The following TOX variants were observed in gnomAD, a reference collection of about 807,000 sequenced individuals.
The protein encoded by TOX is thymocyte selection associated high mobility group box.
A neutral mutation model predicts 53.7 loss-of-function variants in TOX; 11 were observed. That is an observed-to-expected ratio of 0.20 (90% confidence interval 0.13 to 0.34). The LOEUF is 0.34. Ranked by LOEUF, TOX falls within the 10% of genes least tolerant of loss-of-function variation. The pLI, the probability that TOX is intolerant of heterozygous loss-of-function variation, is 1.00. For synonymous variants in TOX, 225 were observed against 245.3 expected, an observed-to-expected ratio of 0.92 and a Z score of 0.77; for missense variants, 570 against 664.6, an observed-to-expected ratio of 0.86 and a Z score of 1.56.
intron 2 of TOX, among the ~76,000 whole-genome samples, chr8:58,940,287 C>A (rs1334652117): frequency 8.6e-5 from 13 of 150,702 alleles, no homozygotes; most frequent in Admixed American, 6.0e-4. Context: ...TATTATAATA[C>A]TAATTCTGGA....
intron 1 of TOX, among the ~76,000 whole-genome samples, chr8:59,061,093 CAA>C (rs1239291071): frequency 1.3e-5 from 2 of 151,950 alleles, no homozygotes; most frequent in Admixed American, 1.3e-4. Context: ...AGGAGATTAC[CAA>C]GAGATTGTAC....
At chr8:58,919,047 A>G (rs1401424850) in intron 3 of TOX, among the ~76,000 whole-genome samples, 3 of 145,558 alleles carry the variant, frequency 2.1e-5, no homozygotes, top group African/African-American at 7.7e-5. Context: ...TGCTCAAGGA[A>G]ATAAAAGAGG....
rs755726430 is a variant in TOX at position 58,832,798 on chromosome 8, T to C, written c.924+5283A>G. On this transcript the variant is annotated intron_variant, in intron 5 of 8. Coordinates refer to ENST00000361421, the MANE Select transcript of TOX (RefSeq NM_014729.3). ...CAGATCTGCCCTTATATAAACACAT[T>C]AACAGTAATTTCACGAGGCGTCAAA... 5.9e-4 allele frequency among the ~76,000 whole-genome samples: 89 copies of C among 152,108 alleles called. 1 individual carries two copies. Among genetic ancestry groups the C allele is most frequent in the Non-Finnish European group, 2.2e-4 (15 of 68,026 alleles).
intron 3 of TOX, among the ~76,000 whole-genome samples, chr8:58,860,099 A>T (rs918187942): frequency 6.6e-6 from 1 of 152,110 alleles, no homozygotes; most frequent in African/African-American, 2.4e-5. Flanking sequence ...ATTTTACGCC[A>T]TTTTATTCGA....
intron 1 of TOX, among the ~76,000 whole-genome samples, chr8:59,103,353 C>T (rs1563447446): frequency 6.6e-6 from 1 of 152,042 alleles, no homozygotes. Context: ...ATAATAAGGA[C>T]AAAAGAGTAT....
intron 1 of TOX, among the ~76,000 whole-genome samples, chr8:59,010,287 C>A (rs1396984480): frequency 6.6e-6 from 1 of 152,060 alleles, no homozygotes; most frequent in African/African-American, 2.4e-5. Context: ...TTATAAGTTA[C>A]CTAACAAGTA....
intron 3 of TOX, among the ~76,000 whole-genome samples, chr8:58,878,334 A>G (rs1294744942): frequency 6.6e-6 from 1 of 152,232 alleles, no homozygotes; most frequent in Non-Finnish European, 1.5e-5. Context: ...ATGCTTCTAT[A>G]GCATACTTTT....
intron 1 of TOX, among the ~76,000 whole-genome samples, chr8:58,970,188 A>G (rs967065839): frequency 5.9e-5 from 9 of 152,190 alleles, no homozygotes; most frequent in African/African-American, 2.2e-4. Flanking sequence ...TTGTTTTACC[A>G]GTAAGAAAAC....
At chr8:58,992,624 T>C (rs896501604) in intron 1 of TOX, among the ~76,000 whole-genome samples, 1 of 151,968 alleles carries the variant, frequency 6.6e-6, no homozygotes, top group Non-Finnish European at 1.5e-5. Context: ...TAGTCTCCTC[T>C]CACGAAAAAA....
chr8:59,014,646 C>T (rs1813976025), intron 1 of TOX, among the ~76,000 whole-genome samples: 1 of 152,152 alleles, frequency 6.6e-6, no homozygotes, highest in Non-Finnish European at 1.5e-5. Context: ...ATCTTTGTTG[C>T]AAGGACAGTG....
At chr8:58,982,166 T>C (rs1813217879) in intron 1 of TOX, among the ~76,000 whole-genome samples, 1 of 152,062 alleles carries the variant, frequency 6.6e-6, no homozygotes, top group Non-Finnish European at 1.5e-5. Context: ...CTCCTTATAC[T>C]CATTCTCTTT....
rs1284092502 is a variant in TOX, at chr8:59,103,685, T to C, written c.102+15201A>G. Among the ~76,000 whole-genome samples the C allele has an allele frequency of 2.6e-5, 4 of 152,200 alleles. No homozygotes were observed. In the East Asian group the frequency reaches 7.7e-4, roughly 29 times the overall value. On this transcript the variant is annotated intron_variant, in intron 1 of 8. Transcript: ENST00000361421. ...AAGTTGGAAAGCTTTGCTATGTGGA[T>C]ACTGGAAGATTATGAGATACCTTCA...
intron 1 of TOX, among the ~76,000 whole-genome samples, chr8:58,998,516 T>TA (rs1563413359): frequency 4.9e-5 from 6 of 121,356 alleles, no homozygotes; most frequent in Non-Finnish European, 1.0e-4. Flanking sequence ...TATATATATA[T>TA]ATATATATAT....
chr8:58,933,115 C>T (rs1812285514), intron 3 of TOX, among the ~76,000 whole-genome samples: 1 of 152,178 alleles, frequency 6.6e-6, no homozygotes, highest in Non-Finnish European at 1.5e-5. Context: ...AGCCCAGGTT[C>T]TAAACGAATC....
In TOX at chr8:58,838,173, C is replaced by T. The variant is rs776756583; in HGVS notation, c.832G>A (p.Ala278Thr). 15 of 1,614,060 alleles carry T rather than the reference C, an allele frequency of 9.3e-6. No individual in the cohort carries two copies. The Admixed American group carries it at 1.8e-4, about 20-fold the overall frequency. The part of the protein sequence containing the change: ...YALFFRDTQA[A>T]IKGQNPNATF... ...GCGTTTGGATTTTGGCCCTTGATGG[C>T]GGCCTGAGTATCACGAAAGAATAAC... Residue 278 changes from alanine to threonine, a missense_variant, in exon 5 of 9, where the codon GCC (alanine) becomes ACC (threonine). Coordinates refer to ENST00000361421, the MANE Select transcript of TOX (RefSeq NM_014729.3).
At chr8:59,112,287 T>C (rs1341433130) in intron 1 of TOX, among the ~76,000 whole-genome samples, 2 of 152,228 alleles carry the variant, frequency 1.3e-5, no homozygotes, top group African/African-American at 2.4e-5. Flanking sequence ...GTGAATTCCA[T>C]GTCTCAAAGT....
At chr8:59,009,158 T>C (rs1365365944) in intron 1 of TOX, among the ~76,000 whole-genome samples, 2 of 151,770 alleles carry the variant, frequency 1.3e-5, no homozygotes, top group East Asian at 1.9e-4. Context: ...CTACTTTTTT[T>C]CCTTTATTCC....
rs141996506 is a variant in TOX at position 59,096,242 on chromosome 8, C to T, written c.102+22644G>A. 2.8e-4 allele frequency among the ~76,000 whole-genome samples: 43 copies of T among 152,334 alleles called. No homozygotes were observed. The East Asian group carries it at 7.3e-3, about 26-fold the overall frequency. On this transcript the variant is annotated intron_variant, in intron 1 of 8. Transcript: ENST00000361421. ...GACTTTAATTAGTTTAATTTTCCAA[C>T]ACCCATTAACACTCCTAATAGTATT...
chr8:58,993,510 A>G (rs1171103322), intron 1 of TOX, among the ~76,000 whole-genome samples: 3 of 152,224 alleles, frequency 2.0e-5, no homozygotes, highest in Non-Finnish European at 2.9e-5. Flanking sequence ...TCTACATGGT[A>G]CAGGAACTGC....
Sources: allele counts gnomAD v4.1 joint callset (sites outside exome capture counted in the v4.1 genomes callset), GRCh38; gene constraint gnomAD v4.1.1; transcripts MANE v1.5; gene names NCBI Gene and HGNC (gene_info 2026-07-23, HGNC 2026-07-21).